KDM7A: variants seen among roughly 807,000 people sequenced by gnomAD.
KDM7A encodes the protein lysine demethylase 7A.
Under a neutral mutation model 114.8 loss-of-function variants are expected in KDM7A, and 28 were observed. The observed-to-expected ratio is 0.24, with a 90% CI of 0.18 to 0.33. The LOEUF is 0.33. Among genes scored for constraint, KDM7A ranks in the 10% least tolerant of loss-of-function variants. The pLI, the probability that KDM7A is intolerant of heterozygous loss-of-function variation, is 1.00. For synonymous variants in KDM7A, 423 were observed against 397.8 expected, an observed-to-expected ratio of 1.06 and a Z score of -0.75; for missense variants, 942 against 1,142.5, an observed-to-expected ratio of 0.82 and a Z score of 2.53.
At chr7:140,093,949 T>C in intron 18 of KDM7A, 107 bp downstream of exon 18, 1 of 749,530 alleles carries the variant, frequency 1.3e-6, no homozygotes, top group Non-Finnish European at 2.4e-6. Flanking sequence ...TCTGGCTGCC[T>C]AGATCTAGCA....
chr7:140,149,129 T>C (rs1376926963), intron 1 of KDM7A, among the ~76,000 whole-genome samples: 1 of 152,018 alleles, frequency 6.6e-6, no homozygotes, highest in East Asian at 1.9e-4. Context: ...AAAGACAGTA[T>C]AAAAAGGAAC....
At chr7:140,165,676 T>C (rs902943187) in intron 1 of KDM7A, among the ~76,000 whole-genome samples, 2 of 152,310 alleles carry the variant, frequency 1.3e-5, no homozygotes, top group Non-Finnish European at 2.9e-5. Flanking sequence ...CACAAGTCTC[T>C]GAGTTATGAG....
At position 140,085,547 on chromosome 7, in the gene KDM7A, T is replaced by G. The variant is rs1391240746; in HGVS notation, c.*5547A>C. 1.3e-5 allele frequency: 2 copies of G among 152,196 alleles called. No individual in the cohort carries two copies. Among genetic ancestry groups the G allele is most frequent in the Non-Finnish European group, 2.9e-5 (2 of 68,036 alleles). 9.4% of individuals were successfully genotyped at this position (152,196 alleles called of 1,614,324 possible). ...TTAATTTATATTAAAAGTAGAAAAG[T>G]CTTTTCTGAAGGAAATACCATCTGC... On this transcript the variant is annotated 3_prime_UTR_variant, in exon 20 of 20. Coordinates refer to ENST00000397560, the MANE Select transcript of KDM7A (RefSeq NM_030647.2).
rs971615935 is a variant in KDM7A at position 140,087,461 on chromosome 7, T to C, written c.*3633A>G. Reference sequence around the variant, plus strand: ...TAAAGTAGCATGCCCTGGGCATATATTTGATATAAAATAAACATCATGAAT... The same window carrying C: ...TAAAGTAGCATGCCCTGGGCATATACTTGATATAAAATAAACATCATGAAT... On this transcript the variant is annotated 3_prime_UTR_variant, in exon 20 of 20. Transcript: ENST00000397560. 1.3e-5 allele frequency: 2 copies of C among 152,248 alleles called. No individual in the cohort carries two copies. The highest frequency in any genetic ancestry group is 4.8e-5 in the African/African-American group (2 of 41,466). 9.4% of individuals were successfully genotyped at this position (152,248 alleles called of 1,614,324 possible).
intron 1 of KDM7A, among the ~76,000 whole-genome samples, chr7:140,158,178 GAGA>G (rs1222339027): frequency 6.6e-6 from 1 of 152,082 alleles, no homozygotes; most frequent in African/African-American, 2.4e-5. Flanking sequence ...GGAATTTTCA[GAGA>G]AGTTTTCCTT....
intron 3 of KDM7A, among the ~76,000 whole-genome samples, chr7:140,132,511 A>C (rs1173162594): frequency 6.6e-6 from 1 of 152,224 alleles, no homozygotes; most frequent in Non-Finnish European, 1.5e-5. Context: ...CACCACCAGA[A>C]GCAGACTGAA....
chr7:140,100,234 CA>C (rs1818179130), intron 12 of KDM7A, among the ~76,000 whole-genome samples: 1 of 152,144 alleles, frequency 6.6e-6, no homozygotes, highest in South Asian at 2.1e-4. Flanking sequence ...GGCCATTAAC[CA>C]TGAAATGCAT....
In KDM7A at chr7:140,104,481, G is replaced by C. The variant is rs190199819; in HGVS notation, c.1429-2321C>G. 4.9e-3 allele frequency among the ~76,000 whole-genome samples: 740 copies of C among 152,256 alleles called. 9 individuals are homozygous for C. The highest frequency in any genetic ancestry group is 0.017 in the African/African-American group (702 of 41,542). On this transcript the variant is annotated intron_variant, in intron 11 of 19. Transcript: ENST00000397560. ...TTTAATCCATCTTGAACTAATTTTTGCATAAGGTGTAAGGAAGGGATCCAG... is the reference window on the plus strand; with the variant it reads ...TTTAATCCATCTTGAACTAATTTTTCCATAAGGTGTAAGGAAGGGATCCAG...
At chr7:140,121,876 A>G (rs539747585) in intron 7 of KDM7A, among the ~76,000 whole-genome samples, 1 of 152,282 alleles carries the variant, frequency 6.6e-6, no homozygotes, top group East Asian at 1.9e-4. Flanking sequence ...CCTGAAACAC[A>G]AAAACTGTAC....
At position 140,084,776 on chromosome 7, in the gene KDM7A, C is replaced by A. The variant is rs1817894056; in HGVS notation, c.*6318G>T. 6.6e-6 allele frequency: 1 copy of A among 152,116 alleles called. No individual in the cohort carries two copies. Among genetic ancestry groups the A allele is most frequent in the African/African-American group, 2.4e-5 (1 of 41,420 alleles). 9.4% of individuals were successfully genotyped at this position (152,116 alleles called of 1,614,324 possible). ...TATAGAATTCAGATTCTTTTTCTTT[C>A]AAGGACGCATTTTATACAATTTTCA... On this transcript the variant is annotated 3_prime_UTR_variant, in exon 20 of 20. Coordinates refer to ENST00000397560, the MANE Select transcript of KDM7A (RefSeq NM_030647.2).
chr7:140,130,851 C>CTTTTTT lies in KDM7A; in HGVS notation c.399-1204_399-1199dup, dbSNP rs574245274. On this transcript the variant is annotated intron_variant, in intron 3 of 19. Transcript: ENST00000397560. ...CCGTTACAACCAGTATTTAATAAGTCTTTTTTTTTTTTTTTTTTTTGAGAC... is the reference window on the plus strand; with the variant it reads ...CCGTTACAACCAGTATTTAATAAGTCTTTTTTTTTTTTTTTTTTTTTTTTTTGAGAC... Among the ~76,000 whole-genome samples the CTTTTTT allele has an allele frequency of 1.0e-4, 10 of 97,256 alleles. 1 individual carries two copies. The highest frequency in any genetic ancestry group is 4.0e-4 in the South Asian group (1 of 2,504). 63.8% of individuals were successfully genotyped at this position (97,256 alleles called of 152,430 possible). A position where few individuals can be genotyped will look rare whatever the true frequency, so the allele number is the denominator to read the frequency against.
chr7:140,146,919 CT>C (rs1794345500), intron 1 of KDM7A, among the ~76,000 whole-genome samples: 1 of 152,148 alleles, frequency 6.6e-6, no homozygotes, highest in Admixed American at 6.6e-5. Context: ...ATATTCTCTA[CT>C]CTTGGTGTTA....
At chr7:140,126,951 G>T in intron 5 of KDM7A, 128 bp from the exon 6 acceptor site, 1 of 701,570 alleles carries the variant, frequency 1.4e-6, no homozygotes, top group Non-Finnish European at 2.4e-6. Flanking sequence ...ACACTTAAAA[G>T]TTTAAAACAC....
At chr7:140,094,243 G>A (rs1419008367) in intron 17 of KDM7A, 105 bp from the exon 18 acceptor site, 5 of 760,356 alleles carry the variant, frequency 6.6e-6, no homozygotes, top group South Asian at 2.8e-5. Flanking sequence ...GATGGCTCAC[G>A]CCTGTAATCC....
chr7:140,139,127 T>C lies in KDM7A; in HGVS notation c.258A>G (p.Ala86=). The change falls in exon 2 of 20, where the codon GCA becomes GCG. Residue 86 remains alanine, a synonymous_variant. Coordinates refer to ENST00000397560, the MANE Select transcript of KDM7A (RefSeq NM_030647.2). The part of the protein sequence containing the change: ...DIDLYHCPNC[A]VLHGSSLMKK... ...TACTCAAGGAGGAACCATGTAAAAC[T>C]GCACAGTTGGGACAGTGATACAGGT... The C allele has an allele frequency of 1.2e-6, 2 of 1,612,600 alleles. No homozygotes were observed. The highest frequency in any genetic ancestry group is 1.7e-6 in the Non-Finnish European group (2 of 1,178,794).
intron 16 of KDM7A, 59 bp from the exon 17 acceptor site, chr7:140,096,822 A>T (rs1818122082): frequency 1.3e-6 from 2 of 1,592,166 alleles, no homozygotes; most frequent in Admixed American, 3.5e-5. Context: ...CATTTTTGGT[A>T]AAATTTAAAA....
At chr7:140,092,223 C>A in intron 18 of KDM7A, 146 bp from the exon 19 acceptor site, 1 of 704,070 alleles carries the variant, frequency 1.4e-6, no homozygotes. Context: ...CGGATGACCA[C>A]TCCTGCATGA....
rs1817980415 is a variant in KDM7A at position 140,089,178 on chromosome 7, G to C, written c.*1916C>G. 6.6e-6 allele frequency: 1 copy of C among 152,122 alleles called. No homozygotes were observed. The highest frequency in any genetic ancestry group is 2.4e-5 in the African/African-American group (1 of 41,444). 9.4% of individuals were successfully genotyped at this position (152,122 alleles called of 1,614,324 possible). On this transcript the variant is annotated 3_prime_UTR_variant, in exon 20 of 20. Coordinates refer to ENST00000397560, the MANE Select transcript of KDM7A (RefSeq NM_030647.2). ...AGATGACTCTACCCATCTTTCCACT[G>C]GTTTTGGCATAGTGTAGACAGGGTT...
intron 1 of KDM7A, among the ~76,000 whole-genome samples, chr7:140,142,707 T>C (rs1794297350): frequency 6.6e-6 from 1 of 152,108 alleles, no homozygotes; most frequent in Non-Finnish European, 1.5e-5. Context: ...AACTGAAGAA[T>C]CAAATATTCT....
Sources: allele counts gnomAD v4.1 joint callset (sites outside exome capture counted in the v4.1 genomes callset), GRCh38; gene constraint gnomAD v4.1.1; transcripts MANE v1.5; gene names NCBI Gene and HGNC (gene_info 2026-07-23, HGNC 2026-07-21).